SLC14A2: variants seen among roughly 807,000 people sequenced by gnomAD.
SLC14A2 encodes urea transporter 2.
Under a neutral mutation model 104.6 loss-of-function variants are expected in SLC14A2, and 91 were observed. The ratio of observed to expected loss-of-function variants is 0.87; its 90% confidence interval spans 0.73 to 1.04. The LOEUF (loss-of-function observed/expected upper bound fraction) is 1.04, where lower values mean the gene tolerates loss of function less well. Ranked by LOEUF, SLC14A2 falls within the 50% of genes least tolerant of loss-of-function variation. The probability of loss-of-function intolerance (pLI) is 0.00; values close to 1 mark genes in which losing one functional copy is unlikely to be tolerated. For synonymous variants in SLC14A2, 476 were observed against 466.4 expected (o/e 1.02, Z -0.27); for missense variants, 1,189 against 1,156.0 (o/e 1.03, Z -0.41).
At chr18:45,669,542 A>G in intron 16 of SLC14A2, 44 bp downstream of exon 16, 1 of 1,496,576 alleles carries the variant, frequency 6.7e-7, no homozygotes, top group Non-Finnish European at 9.2e-7. Flanking sequence ...TCCACACTGG[A>G]TGTTACTGGC....
At chr18:45,561,153 C>T (rs1452522204) in intron 2 of SLC14A2, among the ~76,000 whole-genome samples, 2 of 152,054 alleles carry the variant, frequency 1.3e-5, no homozygotes, top group African/African-American at 4.8e-5. Context: ...GCCACAGTGG[C>T]CTGGACCAGG....
At chr18:45,610,428 CAG>C (rs2044953500) in intron 2 of SLC14A2, among the ~76,000 whole-genome samples, 1 of 152,146 alleles carries the variant, frequency 6.6e-6, no homozygotes, top group South Asian at 2.1e-4. Flanking sequence ...CCAATTAAGT[CAG>C]AATCTCTGGG....
chr18:45,600,587 C>G (rs2044774712), intron 2 of SLC14A2, among the ~76,000 whole-genome samples: 1 of 152,144 alleles, frequency 6.6e-6, no homozygotes, highest in Non-Finnish European at 1.5e-5. Flanking sequence ...AACTCTGACC[C>G]TCACCTGTGC....
chr18:45,187,522 A>G, the SLC14A2 span, among the ~76,000 whole-genome samples: 1 of 152,182 alleles, frequency 6.6e-6, no homozygotes, highest in East Asian at 1.9e-4. Context: ...AGGATGTATA[A>G]CTATCATTGT....
At chr18:45,549,507 G>A (rs577721471) in intron 2 of SLC14A2, among the ~76,000 whole-genome samples, 9 of 152,346 alleles carry the variant, frequency 5.9e-5, no homozygotes, top group South Asian at 2.1e-4. Context: ...AAGGGAGAGG[G>A]AGGGAAGCAG....
rs779990742 is a variant in SLC14A2 at position 45,669,550 on chromosome 18, G to T, written c.2229+52G>T. 22 of 1,455,314 alleles carry T rather than the reference G, an allele frequency of 1.5e-5. No homozygotes were observed. In the African/African-American group the frequency reaches 2.5e-4, roughly 17 times the overall value. 90.2% of individuals were successfully genotyped at this position (1,455,314 alleles called of 1,614,324 possible). On this transcript the variant is annotated intron_variant, in intron 16 of 19. Transcript: ENST00000255226. The stretch of plus-strand genomic sequence containing the variant: ...AGGTCTGTCCACACTGGATGTTACT[G>T]GCATTTGCATATTTTGCACATCAGA...
chr18:45,357,502 A>G (rs2085567492), intron 1 of SLC14A2, among the ~76,000 whole-genome samples: 1 of 152,082 alleles, frequency 6.6e-6, no homozygotes, highest in South Asian at 2.1e-4. Context: ...GAGCCCAGGA[A>G]TTTGAGGCTT....
chr18:45,286,276 G>A (rs1226379047), intron 1 of SLC14A2, among the ~76,000 whole-genome samples: 3 of 152,008 alleles, frequency 2.0e-5, no homozygotes, highest in Admixed American at 6.5e-5. Context: ...TAATCACATG[G>A]CCTTGATTCA....
intron 1 of SLC14A2, among the ~76,000 whole-genome samples, chr18:45,413,906 T>C (rs1407721336): frequency 2.6e-5 from 4 of 151,854 alleles, no homozygotes; most frequent in Admixed American, 1.3e-4. Flanking sequence ...ATCATACAGG[T>C]AAATATTATG....
At chr18:45,384,818 T>C (rs1303551161) in intron 1 of SLC14A2, among the ~76,000 whole-genome samples, 1 of 152,170 alleles carries the variant, frequency 6.6e-6, no homozygotes, top group African/African-American at 2.4e-5. Context: ...GAAGTGAGTG[T>C]AAATCCAAAT....
At chr18:45,476,344 G>T (rs528090606) in intron 1 of SLC14A2, among the ~76,000 whole-genome samples, 10 of 152,192 alleles carry the variant, frequency 6.6e-5, no homozygotes, top group Non-Finnish European at 1.3e-4. Flanking sequence ...TCTGCAGAGA[G>T]ATCTGCTGTT....
chr18:45,527,213 T>C (rs11874760), intron 2 of SLC14A2, among the ~76,000 whole-genome samples: 13,296 of 152,224 alleles, frequency 0.087, 708 homozygotes, highest in Non-Finnish European at 0.12. Context: ...ATGAGAAGCG[T>C]TGGGATGGCA....
At chr18:45,276,404 A>C (rs1424719705) in intron 1 of SLC14A2, among the ~76,000 whole-genome samples, 1 of 152,198 alleles carries the variant, frequency 6.6e-6, no homozygotes, top group East Asian at 1.9e-4. Flanking sequence ...AAGTCAAGAA[A>C]GACTTAGAAT....
At chr18:45,559,024 C>T (rs1381385284) in intron 2 of SLC14A2, among the ~76,000 whole-genome samples, 4 of 152,034 alleles carry the variant, frequency 2.6e-5, no homozygotes, top group Non-Finnish European at 4.4e-5. Flanking sequence ...CTCCTGGCCT[C>T]GTGGTCCGCC....
At chr18:45,214,080 G>A (rs1056240842) in intron 1 of SLC14A2, among the ~76,000 whole-genome samples, 1 of 152,198 alleles carries the variant, frequency 6.6e-6, no homozygotes, top group Admixed American at 6.5e-5. Context: ...GAGGTTCATT[G>A]CTAGATAGAT....
chr18:45,627,252 C>A, intron 4 of SLC14A2, 105 bp downstream of exon 4: 1 of 976,982 alleles, frequency 1.0e-6, no homozygotes, highest in Non-Finnish European at 1.6e-6. Context: ...CAGCCAAAGT[C>A]TCCTGAGTAT....
intron 1 of SLC14A2, among the ~76,000 whole-genome samples, chr18:45,296,112 CTTAA>C (rs1476921305): frequency 6.6e-6 from 1 of 152,098 alleles, no homozygotes. Context: ...TTAAACAAGG[CTTAA>C]TTGAGCACCA....
chr18:45,661,215 C>A lies in SLC14A2; in HGVS notation c.1352-2570C>A, dbSNP rs138304798. 4.1e-3 allele frequency among the ~76,000 whole-genome samples: 624 copies of A among 152,284 alleles called. 5 individuals carry two copies. Among genetic ancestry groups the A allele is most frequent in the Middle Eastern group, 0.034 (10 of 294 alleles). On this transcript the variant is annotated intron_variant, in intron 10 of 19. Coordinates refer to ENST00000255226, the MANE Select transcript of SLC14A2 (RefSeq NM_007163.4). ...ATCCAAAGACCTTCCATCAGCAAGC[C>A]CAGCACTCTCCACCTGTGTTACTAT...
intron 1 of SLC14A2, among the ~76,000 whole-genome samples, chr18:45,414,757 A>AATAT (rs71177674): frequency 5.8e-4 from 44 of 76,052 alleles, no homozygotes; most frequent in African/African-American, 1.8e-3. Context: ...AAAAAAAAAA[A>AATAT]ATATATATAT....
Sources: gnomAD v4.1 joint callset for allele counts (sites outside exome capture counted in the v4.1 genomes callset) on GRCh38, gnomAD v4.1.1 for gene constraint, MANE v1.5 for transcripts, NCBI Gene and HGNC (gene_info 2026-07-23, HGNC 2026-07-21) for gene names.